ABCA9: variants seen among roughly 807,000 people sequenced by gnomAD.
The protein encoded by ABCA9 is ATP-binding cassette sub-family A member 9.
ABCA9 carries 183 observed loss-of-function variants against 205.3 expected under a neutral mutation model. That is an observed-to-expected ratio of 0.89 (90% CI 0.79 to 1.01). The LOEUF is 1.01. Ranked by LOEUF, ABCA9 falls within the 50% of genes least tolerant of loss-of-function variation. ABCA9 has a pLI of 0.00. For synonymous variants in ABCA9, 651 were observed against 683.3 expected, an observed-to-expected ratio of 0.95 and a Z score of 0.74; for missense variants, 1,805 against 1,912.4, an observed-to-expected ratio of 0.94 and a Z score of 1.05.
chr17:69,048,808 C>A (rs1357732498), intron 3 of ABCA9, among the ~76,000 whole-genome samples: 1 of 152,164 alleles, frequency 6.6e-6, no homozygotes, highest in African/African-American at 2.4e-5. Context: ...TTGTTCTCTT[C>A]CTACACCCAC....
At chr17:68,983,291 C>T (rs915562492) in intron 36 of ABCA9, among the ~76,000 whole-genome samples, 1 of 152,130 alleles carries the variant, frequency 6.6e-6, no homozygotes, top group Non-Finnish European at 1.5e-5. Context: ...CACTCTGAGC[C>T]TCAGTTGATT....
chr17:69,000,718 A>C (rs928203660), intron 25 of ABCA9, among the ~76,000 whole-genome samples: 2 of 151,484 alleles, frequency 1.3e-5, no homozygotes, highest in African/African-American at 4.9e-5. Flanking sequence ...TACCTTGGGC[A>C]GTATGGCCAT....
Position 69,007,775 on chromosome 17 carries a change from G to T in ABCA9, c.3419C>A (p.Ser1140Ter). 6.3e-7 allele frequency: 1 copy of T among 1,593,194 alleles called. No homozygotes were observed. Among genetic ancestry groups the T allele is most frequent in the South Asian group, 1.1e-5 (1 of 90,136 alleles). ...RNGRKNSGIW[S>*]FFFLIVVIFS... The stretch of plus-strand genomic sequence containing the variant: ...CATACTCACAATTAAGAAGAAAAAT[G>T]ACCAAATGCCACTATTTTTTCTCCC... Residue 1140 changes from serine to a stop codon, truncating the protein, a stop_gained, in exon 25 of 39, where the codon TCA becomes TAA. Transcript: ENST00000340001. LOFTEE classifies it high-confidence loss of function.
chr17:68,987,207 A>C (rs2069265679), intron 31 of ABCA9, among the ~76,000 whole-genome samples: 1 of 152,232 alleles, frequency 6.6e-6, no homozygotes, highest in Non-Finnish European at 1.5e-5. Flanking sequence ...AACTTGTACA[A>C]GGTCACAACA....
At chr17:69,063,356 G>A (rs1439394241), upstream of ABCA9, among the ~76,000 whole-genome samples, 1 of 152,264 alleles carries the variant, frequency 6.6e-6, no homozygotes, top group Middle Eastern at 3.4e-3. Flanking sequence ...TATTTGTAAG[G>A]AGGACTTGTC....
chr17:68,995,894 C>T lies in ABCA9; in HGVS notation c.3555+1G>A, dbSNP rs1357199880. 3 of 1,613,456 alleles carry T rather than the reference C, an allele frequency of 1.9e-6. No homozygotes were observed. Among genetic ancestry groups the T allele is most frequent in the South Asian group, 1.1e-5 (1 of 91,070 alleles). ...CCTCAGACAGAAGTGGAACTACTTA[C>T]CTCAGAAAAAATGAATAGAGAGCCA... On this transcript the variant is annotated splice_donor_variant, in intron 26 of 38. Transcript: ENST00000340001. LOFTEE classifies it high-confidence loss of function.
chr17:68,986,151 C>A lies in ABCA9; in HGVS notation c.4208+13G>T. ...CCCTCCAGCAAAGGGGAGTGCCCCC[C>A]AGTCCCAGGTACCGTGTGATGGCGA... On this transcript the variant is annotated intron_variant, in intron 32 of 38. Coordinates refer to ENST00000340001, the MANE Select transcript of ABCA9 (RefSeq NM_080283.4). The A allele has an allele frequency of 4.4e-6, 7 of 1,591,552 alleles. No individual in the cohort carries two copies. Among genetic ancestry groups the A allele is most frequent in the Non-Finnish European group, 5.1e-6 (6 of 1,168,658 alleles).
At chr17:69,062,109 G>A (rs908049103), upstream of ABCA9, among the ~76,000 whole-genome samples, 1 of 149,710 alleles carries the variant, frequency 6.7e-6, no homozygotes, top group Non-Finnish European at 1.5e-5. Context: ...GAAGTAGGCT[G>A]AACTCCTGAA....
chr17:69,028,367 A>G (rs2071060277), intron 12 of ABCA9, among the ~76,000 whole-genome samples, 168 bp downstream of exon 12: 2 of 152,142 alleles, frequency 1.3e-5, no homozygotes, highest in African/African-American at 2.4e-5. Flanking sequence ...GGGTTTCACC[A>G]TGTTGGCCAG....
At chr17:69,028,058 A>G (rs1436397198) in intron 12 of ABCA9, among the ~76,000 whole-genome samples, 3 of 152,188 alleles carry the variant, frequency 2.0e-5, no homozygotes, top group Admixed American at 6.6e-5. Context: ...CACGAACAAC[A>G]TTTTTCTAAA....
At chr17:68,982,385 T>A (rs1224362315) in intron 37 of ABCA9, among the ~76,000 whole-genome samples, 177 bp downstream of exon 37, 2 of 152,124 alleles carry the variant, frequency 1.3e-5, no homozygotes, top group Admixed American at 1.3e-4. Flanking sequence ...GAACCCCAAA[T>A]CTTCCCAGAC....
In ABCA9 at chr17:69,025,073, C is replaced by T. The variant is rs144324752; in HGVS notation, c.2142-720G>A. Among the ~76,000 whole-genome samples, 35 of 152,128 alleles carry T rather than the reference C, an allele frequency of 2.3e-4. No homozygotes were observed. In the South Asian group the frequency reaches 7.1e-3, roughly 31 times the overall value. Reference sequence around the variant, plus strand: ...TTACAAGGTATAGTACTTACAAGTGCTATCAAGAATACCAAATAGGAAGAA... The same window carrying T: ...TTACAAGGTATAGTACTTACAAGTGTTATCAAGAATACCAAATAGGAAGAA... On this transcript the variant is annotated intron_variant, in intron 16 of 38. Coordinates refer to ENST00000340001, the MANE Select transcript of ABCA9 (RefSeq NM_080283.4).
At chr17:69,067,886 T>C in the ABCA9 span, among the ~76,000 whole-genome samples, 5 of 152,184 alleles carry the variant, frequency 3.3e-5, no homozygotes, top group Non-Finnish European at 7.3e-5. Flanking sequence ...GGGCAGTACA[T>C]AAAAACAAAG....
rs776257221 is a variant in ABCA9 at position 69,020,437 on chromosome 17, T to C, written c.2551A>G (p.Lys851Glu). The C allele has an allele frequency of 1.9e-6, 3 of 1,613,870 alleles. No homozygotes were observed. Among genetic ancestry groups the C allele is most frequent in the Admixed American group, 1.7e-5 (1 of 59,956 alleles). Residue 851 changes from lysine (K) to glutamate (E), a missense_variant, in exon 19 of 39, where the codon AAA becomes GAA. Physicochemically the swap from Lys to Glu is moderately conservative, Grantham distance 56. Transcript: ENST00000340001. ...LWRQQVCAIA[K>E]VRFLKLKKER... ...TTCTTTAACTTTAGGAAGCGAACTT[T>C]TGCTATTGCACAGACCTGCTGCCTC...
chr17:69,058,716 G>A (rs541294482), intron 1 of ABCA9, among the ~76,000 whole-genome samples: 33 of 152,104 alleles, frequency 2.2e-4, no homozygotes, highest in South Asian at 1.7e-3. Flanking sequence ...GCGAGTGCCC[G>A]TAATCCCAGC....
intron 34 of ABCA9, among the ~76,000 whole-genome samples, chr17:68,984,501 G>A (rs940611531): frequency 6.6e-6 from 1 of 152,166 alleles, no homozygotes; most frequent in Non-Finnish European, 1.5e-5. Context: ...ATAGGTACAA[G>A]ATGACAGAAT....
intron 6 of ABCA9, among the ~76,000 whole-genome samples, chr17:69,038,302 G>A (rs969288144): frequency 8.5e-5 from 13 of 152,108 alleles, no homozygotes; most frequent in African/African-American, 3.1e-4. Flanking sequence ...GATGAACATT[G>A]ATGCAAAAAT....
chr17:69,000,527 T>C (rs2069818622), intron 25 of ABCA9, among the ~76,000 whole-genome samples: 1 of 149,124 alleles, frequency 6.7e-6, no homozygotes, highest in Admixed American at 6.7e-5. Context: ...TTGGTTACTG[T>C]AGCCTTGTAG....
At chr17:69,064,625 G>C (rs1206748366), upstream of ABCA9, among the ~76,000 whole-genome samples, 1 of 152,174 alleles carries the variant, frequency 6.6e-6, no homozygotes, top group Non-Finnish European at 1.5e-5. Flanking sequence ...GGGGTGGAGG[G>C]GAGATGGTAG....
Sources: allele counts gnomAD v4.1 joint callset (sites outside exome capture counted in the v4.1 genomes callset), GRCh38; gene constraint gnomAD v4.1.1; transcripts MANE v1.5; gene names NCBI Gene and HGNC (gene_info 2026-07-23, HGNC 2026-07-21).